Variants in SLIT2 observed in about 807,000 individuals in gnomAD.
The protein encoded by SLIT2 is slit guidance ligand 2, also known as slit homolog 2 protein.
In SLIT2, 41 loss-of-function variants were observed where a neutral mutation model predicts 185.7. The ratio of observed to expected loss-of-function variants is 0.22; its 90% CI spans 0.17 to 0.29. The LOEUF is 0.29. Ranked by LOEUF, SLIT2 falls within the 10% of genes least tolerant of loss-of-function variation. SLIT2 has a pLI of 1.00. For missense variants in SLIT2, 1,571 were observed against 1,909.0 expected, an observed-to-expected ratio of 0.82 and a Z score of 3.30; for synonymous variants, 693 against 680.2, an observed-to-expected ratio of 1.02 and a Z score of -0.29.
At chr4:20,527,646 T>C (rs2148855291) in intron 15 of SLIT2, among the ~76,000 whole-genome samples, 1 of 152,330 alleles carries the variant, frequency 6.6e-6, no homozygotes, top group Middle Eastern at 3.4e-3. Flanking sequence ...TTTTATTACA[T>C]TGGTTTTCTT....
chr4:20,459,625 C>T (rs553382778), intron 4 of SLIT2, among the ~76,000 whole-genome samples: 25 of 152,052 alleles, frequency 1.6e-4, no homozygotes, highest in Admixed American at 7.9e-4. Flanking sequence ...GTCTCTGATC[C>T]GTTCATTGAG....
At chr4:20,368,916 C>T (rs1453283073) in intron 4 of SLIT2, among the ~76,000 whole-genome samples, 1 of 152,110 alleles carries the variant, frequency 6.6e-6, no homozygotes, top group Admixed American at 6.6e-5. Context: ...ACAAAAAATA[C>T]TATTCTGCTT....
At chr4:20,570,113 G>A (rs1186470708) in intron 29 of SLIT2, among the ~76,000 whole-genome samples, 2 of 152,032 alleles carry the variant, frequency 1.3e-5, no homozygotes, top group African/African-American at 4.8e-5. Context: ...TGACTCTGAA[G>A]GCTGCCTTTT....
At chr4:20,409,750 A>G (rs1401046272) in intron 4 of SLIT2, among the ~76,000 whole-genome samples, 1 of 152,132 alleles carries the variant, frequency 6.6e-6, no homozygotes, top group African/African-American at 2.4e-5. Flanking sequence ...TTAACTTTTT[A>G]ATAATAGCTA....
At position 20,342,724 on chromosome 4, in the gene SLIT2, T is replaced by TC. The variant is rs1360032696; in HGVS notation, c.395+73843_395+73844insC. On this transcript the variant is annotated intron_variant, in intron 4 of 36. Transcript: ENST00000504154. The stretch of plus-strand genomic sequence containing the variant: ...CATTCATCGACTATCGCACTTTTTT[T>TC]TTTTTTTTTTTTTTTTTTGCACAAA... Among the ~76,000 whole-genome samples, 90 of 137,160 alleles carry TC rather than the reference T, an allele frequency of 6.6e-4. 1 individual carries two copies. Among genetic ancestry groups the TC allele is most frequent in the Non-Finnish European group, 1.2e-3 (75 of 63,892 alleles). 90.0% of individuals were successfully genotyped at this position (137,160 alleles called of 152,430 possible).
At chr4:20,380,341 A>G (rs1248982970) in intron 4 of SLIT2, among the ~76,000 whole-genome samples, 1 of 152,176 alleles carries the variant, frequency 6.6e-6, no homozygotes, top group Non-Finnish European at 1.5e-5. Flanking sequence ...AGGATAAACC[A>G]AAAGTCCCCA....
At chr4:20,354,904 TGTGAGAGAGAGAGAGAGA>T (rs907571383) in intron 4 of SLIT2, among the ~76,000 whole-genome samples, 8 of 63,292 alleles carry the variant, frequency 1.3e-4, no homozygotes, top group African/African-American at 3.4e-4. Context: ...TGTGTGTGTG[TGTGAGAGAGAGAGAGAGA>T]GAGAGAGAGA....
rs1462194176 is a variant in SLIT2 at position 20,472,235 on chromosome 4, G to T, written c.467+4412G>T. Among the ~76,000 whole-genome samples the T allele has an allele frequency of 2.6e-3, 219 of 85,208 alleles. 3 individuals are homozygous for T. Among genetic ancestry groups the T allele is most frequent in the African/African-American group, 5.0e-3 (109 of 21,642 alleles). 55.9% of individuals were successfully genotyped at this position (85,208 alleles called of 152,430 possible). A position where few individuals can be genotyped will look rare whatever the true frequency, so the allele number is the denominator to read the frequency against. ...GTGTGTGTGTGTGTATATATATATAGATCTATATATCTATATATAGATCTA... is the reference window on the plus strand; with the variant it reads ...GTGTGTGTGTGTGTATATATATATATATCTATATATCTATATATAGATCTA... On this transcript the variant is annotated intron_variant, in intron 5 of 36. Transcript: ENST00000504154.
chr4:20,466,743 A>G (rs555991078), intron 4 of SLIT2, among the ~76,000 whole-genome samples: 6 of 152,218 alleles, frequency 3.9e-5, no homozygotes, highest in Admixed American at 6.5e-5. Flanking sequence ...CTCTGTTTTC[A>G]TCTGATATGC....
At chr4:20,467,042 G>A (rs1035874039) in intron 4 of SLIT2, among the ~76,000 whole-genome samples, 1 of 152,072 alleles carries the variant, frequency 6.6e-6, no homozygotes, top group South Asian at 2.1e-4. Context: ...TGAGATGAGC[G>A]ATTTTTACAA....
At chr4:20,285,434 A>G (rs1230260228) in intron 4 of SLIT2, among the ~76,000 whole-genome samples, 1 of 152,212 alleles carries the variant, frequency 6.6e-6, no homozygotes, top group East Asian at 1.9e-4. Context: ...TTCTTGCCCC[A>G]AATCAGAACA....
At chr4:20,539,733 A>T (rs2148874929) in intron 19 of SLIT2, 149 bp downstream of exon 19, 1 of 478,370 alleles carries the variant, frequency 2.1e-6, no homozygotes, top group South Asian at 7.3e-5. Context: ...AAATTTATTT[A>T]AATTTTTTAA....
At chr4:20,433,712 A>G (rs565680872) in intron 4 of SLIT2, among the ~76,000 whole-genome samples, 1 of 152,344 alleles carries the variant, frequency 6.6e-6, no homozygotes, top group African/African-American at 2.4e-5. Flanking sequence ...CCAACCAGCC[A>G]GTGAGTTTTT....
Position 20,472,359 on chromosome 4 carries a change from T to G in SLIT2, c.467+4536T>G, listed in dbSNP as rs1309080399. On this transcript the variant is annotated intron_variant, in intron 5 of 36. Transcript: ENST00000504154. ...AGATCTATATATAGATATAGATATC[T>G]ATATAGATATCTATATCTATATATA... Among the ~76,000 whole-genome samples, 8 of 21,492 alleles carry G rather than the reference T, an allele frequency of 3.7e-4. 1 individual carries two copies. The South Asian group carries it at 9.8e-3, about 26-fold the overall frequency. The allele number at this position is 21,492 out of a possible 152,430, so 14.1% of individuals were successfully genotyped here.
chr4:20,604,859 G>A (rs1402482764), intron 33 of SLIT2, among the ~76,000 whole-genome samples: 1 of 145,984 alleles, frequency 6.9e-6, no homozygotes, highest in East Asian at 2.0e-4. Flanking sequence ...TTTTTTAGAT[G>A]GAGTATTGCT....
At chr4:20,573,553 A>G (rs543238552) in intron 29 of SLIT2, among the ~76,000 whole-genome samples, 1 of 152,138 alleles carries the variant, frequency 6.6e-6, no homozygotes, top group African/African-American at 2.4e-5. Context: ...AATTTTTTTA[A>G]TTTTCTACTT....
chr4:20,395,519 G>A (rs1011847734), intron 4 of SLIT2, among the ~76,000 whole-genome samples: 1 of 152,004 alleles, frequency 6.6e-6, no homozygotes, highest in African/African-American at 2.4e-5. Flanking sequence ...CTATTTTGAA[G>A]AGTGTTCCAG....
intron 24 of SLIT2, 70 bp from the exon 25 acceptor site, chr4:20,550,757 C>T: frequency 3.3e-6 from 3 of 899,772 alleles, no homozygotes; most frequent in Non-Finnish European, 5.3e-6. Context: ...AAACTAAAGT[C>T]TCGGAATTTC....
chr4:20,485,087 TA>T (rs1407208745), intron 6 of SLIT2, among the ~76,000 whole-genome samples: 1 of 152,152 alleles, frequency 6.6e-6, no homozygotes, highest in African/African-American at 2.4e-5. Context: ...TTGCCTTCTT[TA>T]GTCAACACCT....
Sources: gnomAD v4.1 joint callset for allele counts (sites outside exome capture counted in the v4.1 genomes callset) on GRCh38, gnomAD v4.1.1 for gene constraint, MANE v1.5 for transcripts, NCBI Gene and HGNC (gene_info 2026-07-23, HGNC 2026-07-21) for gene names.